The following CCDC50 variants were observed in gnomAD, a reference collection of about 807,000 sequenced individuals.
CCDC50 encodes the protein coiled-coil domain containing 50, also known as coiled-coil domain-containing protein 50.
Under a neutral mutation model 70.2 loss-of-function variants are expected in CCDC50, and 54 were observed. That is an observed-to-expected ratio of 0.77 (90% CI 0.62 to 0.96). The LOEUF (loss-of-function observed/expected upper bound fraction) is 0.96. Ranked by LOEUF, CCDC50 falls within the 50% of genes least tolerant of loss-of-function variation. The pLI, the probability that CCDC50 is intolerant of heterozygous loss-of-function variation, is 0.00. For synonymous variants in CCDC50, 216 were observed against 198.8 expected, an observed-to-expected ratio of 1.09 and a Z score of -0.73; for missense variants, 558 against 578.7, an observed-to-expected ratio of 0.96 and a Z score of 0.37.
Position 191,375,161 on chromosome 3 carries a change from A to C in CCDC50, c.548A>C (p.Lys183Thr). The change falls in exon 6 of 12, where the codon AAA becomes ACA. Residue 183 changes from lysine (K) to threonine (T), a missense_variant. By Grantham distance (78) the Lys-to-Thr change is moderately conservative (BLOSUM62 -1). Coordinates refer to ENST00000392455, the MANE Select transcript of CCDC50 (RefSeq NM_178335.3). ...AAGACTGTGAAGCACAAGAAAGAGA[A>C]ACCAGAACATCCACTGGAGAACTTG... is the stretch of plus-strand genomic sequence containing the variant. ...DGKTVKHKKE[K>T]PEHPLENLEE... 1 of 1,613,850 alleles carries C rather than the reference A, an allele frequency of 6.2e-7. No individual in the cohort carries two copies. Among genetic ancestry groups the C allele is most frequent in the Non-Finnish European group, 8.5e-7 (1 of 1,179,814 alleles).
In CCDC50 at chr3:191,329,741, A is replaced by G; in HGVS notation, c.49+18A>G. ...CAAGGAAGGTAAGGGCCCCGGAGGG[A>G]GAGCGCGCGGGACCCTCCCCTCTCC... On this transcript the variant is annotated intron_variant, in intron 1 of 11. Coordinates refer to ENST00000392455, the MANE Select transcript of CCDC50 (RefSeq NM_178335.3). 6.2e-7 allele frequency: 1 copy of G among 1,606,206 alleles called. No homozygotes were observed. The highest frequency in any genetic ancestry group is 8.5e-7 in the Non-Finnish European group (1 of 1,177,094).
chr3:191,358,801 G>A, intron 3 of CCDC50, among the ~76,000 whole-genome samples: 1 of 152,058 alleles, frequency 6.6e-6, no homozygotes, highest in East Asian at 1.9e-4. Context: ...CTTTAATGTG[G>A]GTAGATTTAA....
At chr3:191,375,729 T>C (rs1713090954) in intron 6 of CCDC50, 140 bp downstream of exon 6, 1 of 900,764 alleles carries the variant, frequency 1.1e-6, no homozygotes, top group African/African-American at 1.7e-5. Flanking sequence ...GAGCAACATA[T>C]TATAAAAGGT....
At chr3:191,373,598 C>T (rs1049486700) in intron 5 of CCDC50, among the ~76,000 whole-genome samples, 3 of 152,088 alleles carry the variant, frequency 2.0e-5, no homozygotes, top group Non-Finnish European at 4.4e-5. Flanking sequence ...AAATTTACAG[C>T]AGTAGTCACT....
rs1466506424 is a variant in CCDC50, at chr3:191,375,126, A to G, written c.513A>G (p.Gln171=). The change falls in exon 6 of 12, where the codon CAA becomes CAG. Residue 171 remains glutamine (Q), a synonymous_variant. Coordinates refer to ENST00000392455, the MANE Select transcript of CCDC50 (RefSeq NM_178335.3). Reference sequence around the variant, plus strand: ...GATTCTCAAGACCTTGTAGACTCCAAAGAGATGGAAAGACTGTGAAGCACA... The same window carrying G: ...GATTCTCAAGACCTTGTAGACTCCAGAGAGATGGAAAGACTGTGAAGCACA... ...GSGFSRPCRL[Q]RDGKTVKHKK... 2.5e-6 allele frequency: 4 copies of G among 1,613,728 alleles called. No homozygotes were observed. The East Asian group carries it at 6.7e-5, about 27-fold the overall frequency.
rs186582273 is a variant in CCDC50, at chr3:191,365,454, A to G, written c.330+4295A>G. 1.7e-3 allele frequency among the ~76,000 whole-genome samples: 263 copies of G among 152,228 alleles called. 1 individual carries two copies. Among genetic ancestry groups the G allele is most frequent in the African/African-American group, 6.1e-3 (253 of 41,546 alleles). On this transcript the variant is annotated intron_variant, in intron 4 of 11. Transcript: ENST00000392455. ...AATTTTCCTGTGTTTTAAGTATTAT[A>G]AATATGACTAGAAAGGGAGATGGGA...
chr3:191,346,559 A>G (rs1203973012), intron 1 of CCDC50, among the ~76,000 whole-genome samples: 2 of 152,176 alleles, frequency 1.3e-5, no homozygotes, highest in Non-Finnish European at 2.9e-5. Context: ...GATATGCTAC[A>G]TGGATGATTA....
intron 10 of CCDC50, among the ~76,000 whole-genome samples, chr3:191,386,542 T>C (rs755952866): frequency 5.3e-5 from 8 of 152,162 alleles, no homozygotes; most frequent in South Asian, 2.1e-4. Flanking sequence ...TTTAATAATA[T>C]AGATTCTTCC....
At chr3:191,390,083 C>G (rs1204348060) in intron 11 of CCDC50, among the ~76,000 whole-genome samples, 1 of 151,892 alleles carries the variant, frequency 6.6e-6, no homozygotes, top group African/African-American at 2.4e-5. Context: ...AGGCTGGACT[C>G]AAGTAATCCC....
At chr3:191,356,088 A>G (rs909680760) in intron 1 of CCDC50, among the ~76,000 whole-genome samples, 13 of 152,148 alleles carry the variant, frequency 8.5e-5, no homozygotes, top group Non-Finnish European at 1.2e-4. Context: ...CATGAGTCCT[A>G]CTCAATTGCA....
At position 191,395,330 on chromosome 3, in the gene CCDC50, T is replaced by G. The variant is rs996250017; in HGVS notation, c.*3570T>G. The G allele has an allele frequency of 1.3e-5, 2 of 152,186 alleles. No individual in the cohort carries two copies. Among genetic ancestry groups the G allele is most frequent in the African/African-American group, 4.8e-5 (2 of 41,460 alleles). The allele number at this position is 152,186 out of a possible 1,614,324, so 9.4% of individuals were successfully genotyped here. ...GCTTTTAACTGATTATTAATTTTCT[T>G]TAATAGTTTCTGTCAAAACTTGTCT... On this transcript the variant is annotated 3_prime_UTR_variant, in exon 12 of 12. Coordinates refer to ENST00000392455, the MANE Select transcript of CCDC50 (RefSeq NM_178335.3).
At chr3:191,380,338 C>A in intron 7 of CCDC50, 64 bp downstream of exon 7, 3 of 987,650 alleles carry the variant, frequency 3.0e-6, no homozygotes, top group South Asian at 1.3e-5. Flanking sequence ...GAATCTAGTC[C>A]ATCTTGAAAT....
rs946161812 is a variant in CCDC50, at chr3:191,398,466, T to C, written c.*6706T>C. On this transcript the variant is annotated 3_prime_UTR_variant, in exon 12 of 12. Coordinates refer to ENST00000392455, the MANE Select transcript of CCDC50 (RefSeq NM_178335.3). ...TGTCTCATGTTTTTGTTTTGTTTCT[T>C]TACAGCATTCAAGGACAGGGAAACT... is the stretch of plus-strand genomic sequence containing the variant. The C allele has an allele frequency of 6.6e-6, 1 of 152,194 alleles. No individual in the cohort carries two copies. The highest frequency in any genetic ancestry group is 1.5e-5 in the Non-Finnish European group (1 of 68,042). 9.4% of individuals were successfully genotyped at this position (152,194 alleles called of 1,614,324 possible).
chr3:191,370,730 C>A (rs1278525687), intron 5 of CCDC50, among the ~76,000 whole-genome samples: 3 of 152,068 alleles, frequency 2.0e-5, no homozygotes, highest in Non-Finnish European at 4.4e-5. Context: ...CTCAAGTAAT[C>A]CGCCCACATC....
chr3:191,356,124 C>T (rs1468891869), intron 1 of CCDC50, among the ~76,000 whole-genome samples: 1 of 152,120 alleles, frequency 6.6e-6, no homozygotes, highest in African/African-American at 2.4e-5. Flanking sequence ...GGGGAATTTC[C>T]TTTTTTTAAC....
Position 191,375,157 on chromosome 3 carries a change from G to A in CCDC50, c.544G>A (p.Glu182Lys). Residue 182 changes from glutamate to lysine, a missense_variant, in exon 6 of 12, where the codon GAG becomes AAG. Coordinates refer to ENST00000392455, the MANE Select transcript of CCDC50 (RefSeq NM_178335.3). ...TGGAAAGACTGTGAAGCACAAGAAA[G>A]AGAAACCAGAACATCCACTGGAGAA... ...RDGKTVKHKK[E>K]KPEHPLENLE... 6.2e-7 allele frequency: 1 copy of A among 1,613,694 alleles called. No homozygotes were observed. Among genetic ancestry groups the A allele is most frequent in the Non-Finnish European group, 8.5e-7 (1 of 1,179,754 alleles).
intron 4 of CCDC50, among the ~76,000 whole-genome samples, chr3:191,364,655 C>T (rs147803365): frequency 0.033 from 4,948 of 151,456 alleles, 113 homozygotes; most frequent in Non-Finnish European, 0.047. Context: ...TACAACCTTG[C>T]GTGTATAAAT....
chr3:191,345,402 A>G (rs1297748466), intron 1 of CCDC50, among the ~76,000 whole-genome samples: 1 of 152,240 alleles, frequency 6.6e-6, no homozygotes, highest in African/African-American at 2.4e-5. Context: ...AACCAATATA[A>G]GTAAAGACTG....
rs189496714 is a variant in CCDC50, at chr3:191,395,899, A to G, written c.*4139A>G. On this transcript the variant is annotated 3_prime_UTR_variant, in exon 12 of 12. Transcript: ENST00000392455. ...CTGCTTATCTTACTGTTGATAGAATACTTTTTTTCTTTTTAGCCCATGATA... is the reference window on the plus strand; with the variant it reads ...CTGCTTATCTTACTGTTGATAGAATGCTTTTTTTCTTTTTAGCCCATGATA... 1 of 152,288 alleles carries G rather than the reference A, an allele frequency of 6.6e-6. No individual in the cohort carries two copies. The highest frequency in any genetic ancestry group is 2.4e-5 in the African/African-American group (1 of 41,576). The allele number at this position is 152,288 out of a possible 1,614,324, so 9.4% of individuals were successfully genotyped here.
Sources: gnomAD v4.1 joint callset for allele counts (sites outside exome capture counted in the v4.1 genomes callset) on GRCh38, gnomAD v4.1.1 for gene constraint, MANE v1.5 for transcripts, NCBI Gene and HGNC (gene_info 2026-07-23, HGNC 2026-07-21) for gene names.